KIFC3: variants seen among roughly 807,000 people sequenced by gnomAD.
KIFC3 encodes the protein kinesin-like protein KIFC3.
KIFC3 carries 60 observed loss-of-function variants against 101.8 expected under a neutral mutation model. The observed-to-expected ratio is 0.59, with a 90% CI of 0.48 to 0.73. KIFC3 has a LOEUF of 0.73. KIFC3 is among the 30% of genes least tolerant of loss of function. The pLI, the probability that KIFC3 is intolerant of heterozygous loss-of-function variation, is 0.00. For missense variants in KIFC3, 966 were observed against 1,137.1 expected, an observed-to-expected ratio of 0.85 and a Z score of 2.16; for synonymous variants, 476 against 482.7, an observed-to-expected ratio of 0.99 and a Z score of 0.18.
At position 57,837,554 on chromosome 16, in the gene KIFC3, G is replaced by GAAGGAAGGAAGAAAGAAAGA. The variant is rs71152302; in HGVS notation, c.108+25174_108+25175insTCTTTCTTTCTTCCTTCCTT. ...AAGAAAGAAAGAGAAAGGAAGGAAG[G>GAAGGAAGGAAGAAAGAAAGA]AAGAAAGAAAGAAAGAAAGAAAGAA... is the stretch of plus-strand genomic sequence containing the variant. On this transcript the variant is annotated intron_variant, in intron 1 of 2. Transcript: ENST00000563028. 7.3e-3 allele frequency among the ~76,000 whole-genome samples: 726 copies of GAAGGAAGGAAGAAAGAAAGA among 99,986 alleles called. 11 individuals carry two copies. Among genetic ancestry groups the GAAGGAAGGAAGAAAGAAAGA allele is most frequent in the Non-Finnish European group, 0.011 (484 of 45,968 alleles). The allele number at this position is 99,986 out of a possible 152,430, so 65.6% of individuals were successfully genotyped here. A position where few individuals can be genotyped will look rare whatever the true frequency, so the allele number is the denominator to read the frequency against.
upstream of KIFC3, chr16:57,802,903 G>T: frequency 7.2e-7 from 1 of 1,393,958 alleles, no homozygotes; most frequent in Non-Finnish European, 9.8e-7. This position sits in a 1 kb window ranked among gnomAD's most constrained non-coding sequence, Gnocchi z 5.0. Flanking sequence ...CTTCTCACGC[G>T]GGCTCTCATA....
At chr16:57,800,987 T>C (rs149038222) in intron 1 of KIFC3, among the ~76,000 whole-genome samples, 1 of 152,282 alleles carries the variant, frequency 6.6e-6, no homozygotes, top group East Asian at 1.9e-4. Flanking sequence ...TACTTCATTA[T>C]CTCCATCTAT....
chr16:57,812,458 C>T (rs941435305), intron 1 of KIFC3, among the ~76,000 whole-genome samples: 5 of 151,978 alleles, frequency 3.3e-5, no homozygotes, highest in African/African-American at 1.2e-4. Context: ...CTCTAAGCAG[C>T]CTCACTCCAG....
upstream of KIFC3, chr16:57,802,857 G>C (rs1568066574): frequency 4.7e-6 from 5 of 1,074,592 alleles, no homozygotes; most frequent in South Asian, 6.7e-5. The surrounding 1 kb of genome is among the most constrained non-coding windows in gnomAD (Gnocchi z 5.0). Context: ...CCTCAAACCC[G>C]AGTGCAAAAC....
chr16:57,761,187 G>A lies in KIFC3; in HGVS notation c.1873-16C>T. The stretch of plus-strand genomic sequence containing the variant: ...ACTCAAACACCTGGGGGATTGGGAG[G>A]AGGGCAGAGGCACAGCGTTGAGAAT... On this transcript the variant is annotated splice_polypyrimidine_tract_variant and intron_variant, in intron 14 of 19. Coordinates refer to ENST00000445690, the MANE Select transcript of KIFC3 (RefSeq NM_001130100.2). 6.2e-7 allele frequency: 1 copy of A among 1,613,136 alleles called. No homozygotes were observed. The highest frequency in any genetic ancestry group is 8.5e-7 in the Non-Finnish European group (1 of 1,179,660).
intron 1 of KIFC3, chr16:57,816,208 C>T (rs1394084298): frequency 9.3e-6 from 12 of 1,285,114 alleles, no homozygotes; most frequent in Middle Eastern, 2.1e-4. Context: ...CTCACAACAT[C>T]CCCATTCACA....
At chr16:57,765,922 GTCA>G (rs2050430697) in intron 10 of KIFC3, 1 of 368,950 alleles carries the variant, frequency 2.7e-6, no homozygotes, top group African/African-American at 2.1e-5. Flanking sequence ...ACTGCACCCC[GTCA>G]GGGTGAGACA....
intron 3 of KIFC3, among the ~76,000 whole-genome samples, chr16:57,793,202 C>T (rs1345989982): frequency 7.9e-5 from 12 of 151,664 alleles, no homozygotes; most frequent in Admixed American, 5.3e-4. Flanking sequence ...ATGAGAATCG[C>T]TTGAACCTGG....
intron 1 of KIFC3, 82 bp from the exon 2 acceptor site, chr16:57,798,364 G>C (rs1218678874): frequency 7.9e-7 from 1 of 1,273,260 alleles, no homozygotes; most frequent in Non-Finnish European, 1.1e-6. Context: ...CCATCTGGAA[G>C]GGTCTACGCC....
At chr16:57,822,296 G>T (rs1254903290) in intron 1 of KIFC3, among the ~76,000 whole-genome samples, 1 of 152,194 alleles carries the variant, frequency 6.6e-6, no homozygotes, top group East Asian at 1.9e-4. Context: ...TTGAAGAGAT[G>T]AATGAGATCA....
In KIFC3 at chr16:57,758,897, G is replaced by A; in HGVS notation, c.*37C>T. The A allele has an allele frequency of 6.3e-7, 1 of 1,584,236 alleles. No homozygotes were observed. Among genetic ancestry groups the A allele is most frequent in the Non-Finnish European group, 8.6e-7 (1 of 1,164,626 alleles). On this transcript the variant is annotated 3_prime_UTR_variant, in exon 20 of 20. Transcript: ENST00000445690. ...GGGTCACATCCGTCACACAGGCAGTGGCCGCGACTTCCCTGCAGGGGCATG... is the reference window on the plus strand; with the variant it reads ...GGGTCACATCCGTCACACAGGCAGTAGCCGCGACTTCCCTGCAGGGGCATG...
intron 3 of KIFC3, chr16:57,773,754 G>C (rs1171514154): frequency 2.0e-5 from 3 of 152,240 alleles, no homozygotes; most frequent in Non-Finnish European, 4.4e-5. Context: ...TTGGGGGTGT[G>C]TGTAAAATCT....
chr16:57,825,011 G>A (rs561950515), intron 1 of KIFC3, among the ~76,000 whole-genome samples: 16 of 152,210 alleles, frequency 1.1e-4, no homozygotes, highest in African/African-American at 2.4e-4. Flanking sequence ...ATATCACTGC[G>A]GCCAGAACCA....
intron 9 of KIFC3, 112 bp from the exon 10 acceptor site, chr16:57,767,097 C>CA (rs1341458613): frequency 2.7e-6 from 2 of 735,600 alleles, no homozygotes; most frequent in Middle Eastern, 3.4e-4. Flanking sequence ...GAGTACCTGA[C>CA]ACACGCTGTC....
At chr16:57,840,313 G>C (rs1278490315) in intron 1 of KIFC3, among the ~76,000 whole-genome samples, 1 of 152,068 alleles carries the variant, frequency 6.6e-6, no homozygotes, top group Non-Finnish European at 1.5e-5. Context: ...ACTCCAGCCT[G>C]AGTGACAGAG....
At chr16:57,776,829 C>T (rs902569793) in intron 3 of KIFC3, 11 of 152,216 alleles carry the variant, frequency 7.2e-5, no homozygotes, top group African/African-American at 2.7e-4. Flanking sequence ...GGAGCTGCCA[C>T]TAGACCTCAA....
At chr16:57,780,262 G>A (rs1368248529) in intron 3 of KIFC3, among the ~76,000 whole-genome samples, 2 of 152,230 alleles carry the variant, frequency 1.3e-5, no homozygotes, top group African/African-American at 4.8e-5. Flanking sequence ...AATAATCCCA[G>A]CACTTTGGGA....
intron 13 of KIFC3, 113 bp downstream of exon 13, chr16:57,762,027 G>A: frequency 1.5e-6 from 2 of 1,353,900 alleles, no homozygotes; most frequent in East Asian, 2.4e-5. Context: ...AGCTGCCCCT[G>A]AGGCCTGCTC....
At chr16:57,839,953 A>T (rs1405809590) in intron 1 of KIFC3, among the ~76,000 whole-genome samples, 1 of 152,166 alleles carries the variant, frequency 6.6e-6, no homozygotes, top group Non-Finnish European at 1.5e-5. Flanking sequence ...AGACTCCTGG[A>T]ACTGACTCCT....
Sources: allele counts gnomAD v4.1 joint callset (sites outside exome capture counted in the v4.1 genomes callset), GRCh38; gene constraint gnomAD v4.1.1; non-coding constraint Gnocchi (gnomAD v3.1); transcripts MANE v1.5; gene names NCBI Gene and HGNC (gene_info 2026-07-23, HGNC 2026-07-21).